The following MED15 variants were observed in gnomAD, a reference collection of about 807,000 sequenced individuals.
The protein encoded by MED15 is mediator of RNA polymerase II transcription subunit 15.
In MED15, 41 loss-of-function variants were observed where a neutral mutation model predicts 118.7. The observed-to-expected ratio is 0.35, with a 90% confidence interval of 0.27 to 0.45. MED15 has a LOEUF of 0.45. MED15 is among the 20% of genes least tolerant of loss of function. MED15 has a pLI of 1.00. For missense variants in MED15, 740 were observed against 1,025.5 expected (o/e 0.72, Z 3.80); for synonymous variants, 436 against 413.9 (o/e 1.05, Z -0.65).
At chr22:20,556,302 GT>G (rs361842) in intron 5 of MED15, among the ~76,000 whole-genome samples, 37,810 of 139,930 alleles carry the variant, frequency 0.27, 5,351 homozygotes, top group African/African-American at 0.43. Context: ...GACTTCATCA[GT>G]TTTTTTTTTT....
intron 9 of MED15, among the ~76,000 whole-genome samples, chr22:20,581,597 C>A (rs1192892218): frequency 6.6e-6 from 1 of 152,114 alleles, no homozygotes; most frequent in Non-Finnish European, 1.5e-5. Context: ...TTCAGGGTTC[C>A]CCCAGTGTGA....
intron 5 of MED15, among the ~76,000 whole-genome samples, chr22:20,563,685 T>G (rs978973204): frequency 6.6e-6 from 1 of 152,222 alleles, no homozygotes; most frequent in Admixed American, 6.5e-5. Flanking sequence ...CTTGTAAGTT[T>G]GTAGAATGTT....
intron 2 of MED15, 67 bp downstream of exon 2, chr22:20,537,271 G>A (rs1375610768): frequency 4.2e-6 from 6 of 1,412,058 alleles, no homozygotes; most frequent in African/African-American, 1.4e-5. Context: ...ACAGACTCTG[G>A]AACCCCTCTG....
chr22:20,574,016 A>G lies in MED15; in HGVS notation c.1153-1097A>G, dbSNP rs1306715378. 4 of 152,302 alleles carry G rather than the reference A, an allele frequency of 2.6e-5. No homozygotes were observed. In the East Asian group the frequency reaches 7.7e-4, roughly 29 times the overall value. 9.4% of individuals were successfully genotyped at this position (152,302 alleles called of 1,614,324 possible). A position where few individuals can be genotyped will look rare whatever the true frequency, so the allele number is the denominator to read the frequency against. On this transcript the variant is annotated intron_variant, in intron 8 of 17. Transcript: ENST00000263205. ...CTTCTGGCACCTCCTGTGCGTGCCCAGGATTGTGAATGTGGGCCGTGTGTG... is the reference window on the plus strand; with the variant it reads ...CTTCTGGCACCTCCTGTGCGTGCCCGGGATTGTGAATGTGGGCCGTGTGTG...
intron 1 of MED15, among the ~76,000 whole-genome samples, chr22:20,528,766 A>G (rs1210279444): frequency 1.3e-5 from 2 of 152,162 alleles, no homozygotes; most frequent in East Asian, 3.8e-4. Flanking sequence ...AGACCAGAGC[A>G]CAGATGACCA....
Position 20,540,062 on chromosome 22 carries a change from C to T in MED15, c.156+2858C>T, listed in dbSNP as rs2055235587. Among the ~76,000 whole-genome samples, 2 of 151,818 alleles carry T rather than the reference C, an allele frequency of 1.3e-5. 1 individual carries two copies. Among genetic ancestry groups the T allele is most frequent in the South Asian group, 4.2e-4 (2 of 4,798 alleles). Reference sequence around the variant, plus strand: ...TTTTTTTGAGACAGTCTCGCTCTGTCGGCCAGGCTGGAGTGCAGTGGAAGT... The same window carrying T: ...TTTTTTTGAGACAGTCTCGCTCTGTTGGCCAGGCTGGAGTGCAGTGGAAGT... On this transcript the variant is annotated intron_variant, in intron 2 of 17. Transcript: ENST00000263205.
rs200727831 is a variant in MED15 at position 20,559,378 on chromosome 22, T to TA, written c.451+4231dup. On this transcript the variant is annotated intron_variant, in intron 5 of 17. Transcript: ENST00000263205. ...ACATTTGAAGAAATTATCTAGAATG[T>TA]AGCACAGAGAAGAGCACATGGAAAA... Among the ~76,000 whole-genome samples the TA allele has an allele frequency of 7.2e-3, 1,089 of 152,210 alleles. 18 individuals are homozygous for TA. The highest frequency in any genetic ancestry group is 0.024 in the African/African-American group (990 of 41,510).
intron 9 of MED15, among the ~76,000 whole-genome samples, chr22:20,576,736 A>G (rs1321446850): frequency 1.3e-5 from 2 of 152,232 alleles, no homozygotes; most frequent in East Asian, 3.8e-4. Context: ...AAAGGAGGCC[A>G]GTGTGGGCAG....
In MED15 at chr22:20,587,566, T is replaced by C; in HGVS notation, c.*862T>C. On this transcript the variant is annotated 3_prime_UTR_variant, in exon 18 of 18. Transcript: ENST00000263205. ...TCTGGTGAGAAGAGGTCCCCCCTTTTTATGTGCACTACCCCACCATCTGTG... is the reference window on the plus strand; with the variant it reads ...TCTGGTGAGAAGAGGTCCCCCCTTTCTATGTGCACTACCCCACCATCTGTG... 1 of 392,262 alleles carries C rather than the reference T, an allele frequency of 2.5e-6. No individual in the cohort carries two copies. Among genetic ancestry groups the C allele is most frequent in the East Asian group, 5.4e-5 (1 of 18,400 alleles). The allele number at this position is 392,262 out of a possible 1,614,324, so 24.3% of individuals were successfully genotyped here.
intron 5 of MED15, 122 bp downstream of exon 5, chr22:20,555,270 TGTTTTTTA>T (rs1366699229): frequency 4.4e-6 from 5 of 1,133,332 alleles, no homozygotes; most frequent in Non-Finnish European, 6.1e-6. Flanking sequence ...CTGGTTTTTT[TGTTTTTTA>T]AATCTTTGTT....
chr22:20,550,155 C>T (rs2055711900), intron 2 of MED15, among the ~76,000 whole-genome samples: 1 of 152,130 alleles, frequency 6.6e-6, no homozygotes, highest in East Asian at 1.9e-4. Context: ...CTCAGGTTCC[C>T]ACACCTCCAT....
At chr22:20,584,268 A>AG (rs1165376676) in intron 13 of MED15, 91 bp from the exon 14 acceptor site, 1 of 1,335,518 alleles carries the variant, frequency 7.5e-7, no homozygotes, top group Non-Finnish European at 1.1e-6. Flanking sequence ...GAGGTTTCTG[A>AG]TGGCTGAGGC....
At chr22:20,514,185 C>T (rs1262969907) in intron 1 of MED15, among the ~76,000 whole-genome samples, 1 of 152,084 alleles carries the variant, frequency 6.6e-6, no homozygotes, top group Non-Finnish European at 1.5e-5. Flanking sequence ...CTTTATTGAA[C>T]ATCTACTCTC....
Position 20,587,151 on chromosome 22 carries a change from G to C in MED15, c.*447G>C, listed in dbSNP as rs560731595. ...CATGGGATTCTCTGGTCACAGTTTT[G>C]GGTTCAGGCTATGCTGCTTTGGGCA... On this transcript the variant is annotated 3_prime_UTR_variant, in exon 18 of 18. Coordinates refer to ENST00000263205, the MANE Select transcript of MED15 (RefSeq NM_001003891.3). 4.6e-5 allele frequency: 8 copies of C among 172,662 alleles called. No individual in the cohort carries two copies. Among genetic ancestry groups the C allele is most frequent in the African/African-American group, 1.2e-4 (5 of 42,586 alleles). 10.7% of individuals were successfully genotyped at this position (172,662 alleles called of 1,614,324 possible). A position where few individuals can be genotyped will look rare whatever the true frequency, so the allele number is the denominator to read the frequency against.
At chr22:20,543,148 T>A (rs2055379500) in intron 2 of MED15, among the ~76,000 whole-genome samples, 1 of 147,388 alleles carries the variant, frequency 6.8e-6, no homozygotes, top group Admixed American at 6.8e-5. Context: ...TGTGTGTGTG[T>A]GTGTATTTTT....
At chr22:20,552,251 G>A (rs760176588) in intron 3 of MED15, among the ~76,000 whole-genome samples, 2 of 152,218 alleles carry the variant, frequency 1.3e-5, no homozygotes, top group Non-Finnish European at 2.9e-5. Context: ...CAGGCCTGTC[G>A]TTGGAGCATG....
intron 6 of MED15, 28 bp downstream of exon 6, chr22:20,564,716 G>T (rs1337405318): frequency 6.2e-7 from 1 of 1,613,732 alleles, no homozygotes; most frequent in East Asian, 2.2e-5. Flanking sequence ...CCTGCTCTTG[G>T]CCTCCCTCCT....
intron 5 of MED15, among the ~76,000 whole-genome samples, chr22:20,558,815 T>C (rs2056118949): frequency 6.6e-6 from 1 of 152,078 alleles, no homozygotes; most frequent in Admixed American, 6.6e-5. Flanking sequence ...GAGGAACATG[T>C]CCCCAGTGTA....
chr22:20,581,770 C>G (rs970529068), intron 9 of MED15: 1 of 152,280 alleles, frequency 6.6e-6, no homozygotes, highest in African/African-American at 2.4e-5. Context: ...GTGGTTTCAT[C>G]CCTAGAGTTT....
Sources: gnomAD v4.1 joint callset for allele counts (sites outside exome capture counted in the v4.1 genomes callset) on GRCh38, gnomAD v4.1.1 for gene constraint, MANE v1.5 for transcripts, NCBI Gene and HGNC (gene_info 2026-07-23, HGNC 2026-07-21) for gene names.